The following KCNQ3 variants were observed in gnomAD, a reference collection of about 807,000 sequenced individuals.
KCNQ3 encodes the protein potassium voltage-gated channel subfamily KQT member 3.
Under a neutral mutation model 92.5 loss-of-function variants are expected in KCNQ3, and 30 were observed. That is an observed-to-expected ratio of 0.32 (90% CI 0.24 to 0.44). KCNQ3 has a LOEUF of 0.44. Ranked by LOEUF, KCNQ3 falls within the 20% of genes least tolerant of loss-of-function variation. The pLI is 1.00. For missense variants in KCNQ3, 913 were observed against 1,140.3 expected, an observed-to-expected ratio of 0.80 and a Z score of 2.87; for synonymous variants, 450 against 468.8, an observed-to-expected ratio of 0.96 and a Z score of 0.52.
chr8:132,470,392 C>G (rs994856793), intron 1 of KCNQ3, among the ~76,000 whole-genome samples: 5 of 152,226 alleles, frequency 3.3e-5, no homozygotes, highest in African/African-American at 1.2e-4. Flanking sequence ...TACCTGGCTT[C>G]ACCAATTGTT....
intron 1 of KCNQ3, among the ~76,000 whole-genome samples, chr8:132,311,114 G>C (rs1204751104): frequency 6.6e-6 from 1 of 152,016 alleles, no homozygotes; most frequent in African/African-American, 2.4e-5. Context: ...TTTTCTATTA[G>C]AGACGGAGTT....
At chr8:132,445,636 C>T (rs891768970) in intron 1 of KCNQ3, among the ~76,000 whole-genome samples, 2 of 152,102 alleles carry the variant, frequency 1.3e-5, no homozygotes, top group African/African-American at 4.8e-5. Context: ...CCTTTGGGCA[C>T]CCTTAGTTCT....
rs760456465 is a variant in KCNQ3 at position 132,137,148 on chromosome 8, G to A, written c.1700+737C>T. On this transcript the variant is annotated intron_variant, in intron 12 of 14. Transcript: ENST00000388996. ...GGCCTCCCAAAGTGCTGGGGTTATA[G>A]GCATGAGCCACTGTGCCCAACCAAT... 1.4e-4 allele frequency among the ~76,000 whole-genome samples: 22 copies of A among 152,136 alleles called. 1 individual carries two copies. Among genetic ancestry groups the A allele is most frequent in the Non-Finnish European group, 1.5e-4 (10 of 68,006 alleles).
chr8:132,186,502 G>T (rs542272927), intron 1 of KCNQ3: 3 of 373,660 alleles, frequency 8.0e-6, no homozygotes, highest in South Asian at 2.2e-5. Context: ...AAGTCCAAAA[G>T]TCAAGACAAC....
intron 1 of KCNQ3, among the ~76,000 whole-genome samples, chr8:132,340,542 A>G (rs1449972220): frequency 1.3e-5 from 2 of 152,156 alleles, no homozygotes; most frequent in African/African-American, 2.4e-5. Context: ...GTTCTCACTC[A>G]TAAGTGGGAG....
intron 11 of KCNQ3, 37 bp downstream of exon 11, chr8:132,140,039 A>G: frequency 2.2e-6 from 3 of 1,362,342 alleles, no homozygotes; most frequent in South Asian, 1.4e-5. Flanking sequence ...GGAGCGGGGG[A>G]GGCACACAGG....
intron 8 of KCNQ3, among the ~76,000 whole-genome samples, chr8:132,165,235 C>T (rs543886587): frequency 1.4e-4 from 21 of 152,304 alleles, no homozygotes; most frequent in Admixed American, 1.1e-3. Flanking sequence ...CCCCAGCCAA[C>T]TCCAAGTCAC....
intron 1 of KCNQ3, among the ~76,000 whole-genome samples, chr8:132,319,503 G>A (rs1817839719): frequency 6.6e-6 from 1 of 152,140 alleles, no homozygotes; most frequent in South Asian, 2.1e-4. Context: ...TTTAGAACAA[G>A]CCTATGATCA....
At chr8:132,368,796 C>T (rs1819393065) in intron 1 of KCNQ3, among the ~76,000 whole-genome samples, 1 of 152,196 alleles carries the variant, frequency 6.6e-6, no homozygotes, top group Non-Finnish European at 1.5e-5. Flanking sequence ...ACAGGGAGCG[C>T]TCATATATCC....
chr8:132,344,238 C>A (rs1473304032), intron 1 of KCNQ3, among the ~76,000 whole-genome samples: 1 of 152,240 alleles, frequency 6.6e-6, no homozygotes, highest in Non-Finnish European at 1.5e-5. Context: ...TCTCTACTAA[C>A]ATAAATGTAT....
intron 1 of KCNQ3, among the ~76,000 whole-genome samples, chr8:132,342,907 T>C (rs1243132301): frequency 1.3e-5 from 2 of 152,366 alleles, no homozygotes; most frequent in East Asian, 3.9e-4. Flanking sequence ...CCCCATCACC[T>C]ACTGCACTAT....
chr8:132,272,846 C>T (rs544318454), intron 1 of KCNQ3, among the ~76,000 whole-genome samples: 12 of 152,284 alleles, frequency 7.9e-5, no homozygotes, highest in African/African-American at 2.9e-4. Context: ...TCCACCCTGG[C>T]CCCTTCCAAA....
At chr8:132,421,548 G>A (rs1237084891) in intron 1 of KCNQ3, among the ~76,000 whole-genome samples, 1 of 152,128 alleles carries the variant, frequency 6.6e-6, no homozygotes, top group Non-Finnish European at 1.5e-5. Context: ...TGTGGGTCGG[G>A]GGAACAAAAT....
intron 12 of KCNQ3, among the ~76,000 whole-genome samples, chr8:132,136,906 C>A (rs992879071): frequency 7.2e-6 from 1 of 138,634 alleles, no homozygotes; most frequent in African/African-American, 2.7e-5. Context: ...CTCTGTCACC[C>A]AGGCTGAAGT....
intron 1 of KCNQ3, among the ~76,000 whole-genome samples, chr8:132,233,320 T>G (rs1814701386): frequency 6.6e-6 from 1 of 152,254 alleles, no homozygotes; most frequent in Non-Finnish European, 1.5e-5. Flanking sequence ...TCTTCTTTTC[T>G]GTTTTTATTT....
intron 1 of KCNQ3, among the ~76,000 whole-genome samples, chr8:132,362,005 C>T (rs187055254): frequency 7.2e-5 from 11 of 151,900 alleles, no homozygotes; most frequent in East Asian, 3.9e-4. Flanking sequence ...AATAGTAAAA[C>T]GCTTATGTTT....
At chr8:132,213,594 G>GAGCTGATGGCAGAGCTCACCCTTGTTC (rs1813933643) in intron 1 of KCNQ3, among the ~76,000 whole-genome samples, 1 of 152,208 alleles carries the variant, frequency 6.6e-6, no homozygotes, top group Non-Finnish European at 1.5e-5. Flanking sequence ...CTCTCATGCT[G>GAGCTGATGGCAGAGCTCACCCTTGTTC]AGCTGATGGC....
intron 5 of KCNQ3, 70 bp downstream of exon 5, chr8:132,175,383 G>A: frequency 1.3e-6 from 2 of 1,539,310 alleles, no homozygotes; most frequent in Non-Finnish European, 1.8e-6. Flanking sequence ...ATGCTCATGT[G>A]ATGCCCTCCA....
chr8:132,269,327 T>C (rs1816081736), intron 1 of KCNQ3, among the ~76,000 whole-genome samples: 1 of 152,214 alleles, frequency 6.6e-6, no homozygotes, highest in Admixed American at 6.5e-5. Context: ...CCTCCTATAG[T>C]TTTGTGTTTC....
Sources: gnomAD v4.1 joint callset for allele counts (sites outside exome capture counted in the v4.1 genomes callset) on GRCh38, gnomAD v4.1.1 for gene constraint, MANE v1.5 for transcripts, NCBI Gene and HGNC (gene_info 2026-07-23, HGNC 2026-07-21) for gene names.